ANGPT1: variants seen among roughly 807,000 people sequenced by gnomAD.
The protein encoded by ANGPT1 is angiopoietin 1.
In ANGPT1, 17 loss-of-function variants were observed where a neutral mutation model predicts 62.2. The observed-to-expected ratio is 0.27, with a 90% CI of 0.19 to 0.41. ANGPT1 has a LOEUF of 0.41. Ranked by LOEUF, ANGPT1 falls within the 10% of genes least tolerant of loss-of-function variation. The probability of loss-of-function intolerance (pLI) is 1.00; values close to 1 mark genes in which losing one functional copy is unlikely to be tolerated. For missense variants in ANGPT1, 478 were observed against 594.9 expected (o/e 0.80, Z 2.04); for synonymous variants, 199 against 198.9 (o/e 1.00, Z 0.00).
At chr8:107,477,076 C>T (rs1200752657) in intron 1 of ANGPT1, among the ~76,000 whole-genome samples, 2 of 152,160 alleles carry the variant, frequency 1.3e-5, no homozygotes, top group Non-Finnish European at 2.9e-5. Flanking sequence ...ACTACTACTA[C>T]TGTTTATGCC....
At chr8:107,487,029 C>T (rs1454949424) in intron 1 of ANGPT1, among the ~76,000 whole-genome samples, 9 of 152,058 alleles carry the variant, frequency 5.9e-5, no homozygotes, top group East Asian at 1.9e-4. Context: ...ATCCTAAAAG[C>T]GCATGACAAA....
chr8:107,314,025 C>T (rs1432429740), intron 4 of ANGPT1, among the ~76,000 whole-genome samples: 1 of 152,150 alleles, frequency 6.6e-6, no homozygotes, highest in Non-Finnish European at 1.5e-5. Context: ...AGTGCCATAT[C>T]TTATCCGTGA....
chr8:107,472,232 C>T (rs1330462854), intron 1 of ANGPT1, among the ~76,000 whole-genome samples: 1 of 151,996 alleles, frequency 6.6e-6, no homozygotes, highest in Non-Finnish European at 1.5e-5. Flanking sequence ...TCTCTGTTGA[C>T]ATTGACTTTG....
At chr8:107,322,285 G>A (rs1263223485) in intron 3 of ANGPT1, among the ~76,000 whole-genome samples, 157 bp from the exon 4 acceptor site, 1 of 151,826 alleles carries the variant, frequency 6.6e-6, no homozygotes, top group Non-Finnish European at 1.5e-5. Flanking sequence ...GTATTCTTCA[G>A]AATAGGAGTT....
At chr8:107,436,504 T>C (rs956484878) in intron 1 of ANGPT1, among the ~76,000 whole-genome samples, 3 of 152,226 alleles carry the variant, frequency 2.0e-5, no homozygotes, top group Non-Finnish European at 1.5e-5. Context: ...TGTGCTTATA[T>C]GGAACGTTGT....
At chr8:107,330,453 C>T (rs190932785) in intron 3 of ANGPT1, among the ~76,000 whole-genome samples, 2 of 152,210 alleles carry the variant, frequency 1.3e-5, no homozygotes, top group African/African-American at 2.4e-5. Context: ...AGTAAGTCTG[C>T]AAAAGTAAGA....
intron 1 of ANGPT1, among the ~76,000 whole-genome samples, chr8:107,489,390 T>C (rs1006329911): frequency 1.3e-5 from 2 of 152,310 alleles, no homozygotes; most frequent in African/African-American, 2.4e-5. Flanking sequence ...TGCACAGTCA[T>C]GTAGTATAGT....
intron 1 of ANGPT1, among the ~76,000 whole-genome samples, chr8:107,358,199 C>A (rs1307938472): frequency 2.6e-5 from 4 of 152,036 alleles, no homozygotes; most frequent in African/African-American, 9.7e-5. Context: ...AATAAACATT[C>A]CAAAGCATTA....
intron 5 of ANGPT1, among the ~76,000 whole-genome samples, chr8:107,299,486 ATACTAAGCATATATATG>A (rs1181387082): frequency 4.2e-5 from 6 of 143,596 alleles, no homozygotes; most frequent in Non-Finnish European, 6.1e-5. Flanking sequence ...AAGCATATAT[ATACTAAGCATATATATG>A]TACTAAGCAT....
Position 107,350,374 on chromosome 8 carries a change from A to G in ANGPT1, c.298-3277T>C, listed in dbSNP as rs539439765. ...ATTTCTTATGCAGTTGGTTAGCAGT[A>G]GTCTGTTCCCAGAGTTTGATTTGCT... is the stretch of plus-strand genomic sequence containing the variant. On this transcript the variant is annotated intron_variant, in intron 1 of 8. Transcript: ENST00000517746. Among the ~76,000 whole-genome samples the G allele has an allele frequency of 2.0e-5, 3 of 152,230 alleles. 1 individual carries two copies. The South Asian group carries it at 6.2e-4, about 32-fold the overall frequency.
intron 1 of ANGPT1, among the ~76,000 whole-genome samples, chr8:107,382,545 A>T (rs1047774571): frequency 2.6e-5 from 4 of 151,776 alleles, no homozygotes; most frequent in Non-Finnish European, 5.9e-5. Flanking sequence ...AAGAAAAAAA[A>T]AGTCCCTATT....
chr8:107,292,033 T>C (rs1814291071), intron 6 of ANGPT1, among the ~76,000 whole-genome samples: 1 of 152,080 alleles, frequency 6.6e-6, no homozygotes, highest in Non-Finnish European at 1.5e-5. Context: ...TCTCAGGCAG[T>C]GTTCAAATGC....
intron 1 of ANGPT1, among the ~76,000 whole-genome samples, chr8:107,479,456 A>G (rs1812619054): frequency 6.6e-6 from 1 of 152,184 alleles, no homozygotes; most frequent in Non-Finnish European, 1.5e-5. Flanking sequence ...TACCTGTTTC[A>G]TTCAAGTCCA....
At chr8:107,493,863 T>A (rs1197909901) in intron 1 of ANGPT1, among the ~76,000 whole-genome samples, 4 of 150,392 alleles carry the variant, frequency 2.7e-5, no homozygotes, top group Admixed American at 1.3e-4. Flanking sequence ...GTGTTTTGGG[T>A]AATAGCATTT....
intron 1 of ANGPT1, among the ~76,000 whole-genome samples, chr8:107,493,626 T>G (rs1237160144): frequency 1.3e-5 from 2 of 150,484 alleles, no homozygotes; most frequent in African/African-American, 4.9e-5. Flanking sequence ...ATGCTGACAG[T>G]AGACAGTAAA....
chr8:107,289,041 T>G (rs1489281615), intron 6 of ANGPT1, among the ~76,000 whole-genome samples: 1 of 152,164 alleles, frequency 6.6e-6, no homozygotes, highest in East Asian at 1.9e-4. Flanking sequence ...GAATAAAATC[T>G]AAGGATACTA....
At chr8:107,446,401 T>C (rs1265797973) in intron 1 of ANGPT1, among the ~76,000 whole-genome samples, 2 of 152,244 alleles carry the variant, frequency 1.3e-5, no homozygotes, top group African/African-American at 4.8e-5. Flanking sequence ...TGTGGCTAGC[T>C]GCTACCATAT....
intron 1 of ANGPT1, among the ~76,000 whole-genome samples, chr8:107,352,474 TGA>T (rs937023090): frequency 6.6e-6 from 1 of 152,142 alleles, no homozygotes; most frequent in Non-Finnish European, 1.5e-5. Context: ...TTCTCCATCA[TGA>T]GAGAGAATTT....
intron 1 of ANGPT1, among the ~76,000 whole-genome samples, chr8:107,432,838 C>A (rs894032181): frequency 7.2e-5 from 11 of 152,140 alleles, no homozygotes; most frequent in African/African-American, 2.2e-4. Flanking sequence ...GTCATCTTGA[C>A]AATGTCAGAG....
Sources: gnomAD v4.1 joint callset for allele counts (sites outside exome capture counted in the v4.1 genomes callset) on GRCh38, gnomAD v4.1.1 for gene constraint, MANE v1.5 for transcripts, NCBI Gene and HGNC (gene_info 2026-07-23, HGNC 2026-07-21) for gene names.